Variants in SH3D19 observed in about 807,000 individuals in gnomAD.
SH3D19 encodes SH3 domain-containing protein 19.
Under a neutral mutation model 112.1 loss-of-function variants are expected in SH3D19, and 58 were observed. That is an observed-to-expected ratio of 0.52 (90% CI 0.42 to 0.64). The LOEUF is 0.64. SH3D19 is among the 30% of genes least tolerant of loss of function. The probability of loss-of-function intolerance (pLI) is 0.00; values close to 1 mark genes in which losing one functional copy is unlikely to be tolerated. For synonymous variants in SH3D19, 391 were observed against 448.5 expected, an observed-to-expected ratio of 0.87 and a Z score of 1.62; for missense variants, 1,090 against 1,263.4, an observed-to-expected ratio of 0.86 and a Z score of 2.08.
chr4:151,131,713 C>A (rs1452100317), intron 17 of SH3D19, among the ~76,000 whole-genome samples: 3 of 152,104 alleles, frequency 2.0e-5, no homozygotes, highest in African/African-American at 7.2e-5. Flanking sequence ...TGGTCTCGAT[C>A]CCCTGACCTC....
intron 1 of SH3D19, chr4:151,282,224 T>G: frequency 6.2e-7 from 1 of 1,613,898 alleles, no homozygotes; most frequent in Non-Finnish European, 8.5e-7. Flanking sequence ...TGTGAAGTAC[T>G]ACGTGTCCAA....
At chr4:151,166,750 G>C (rs1758107108) in intron 7 of SH3D19, among the ~76,000 whole-genome samples, 1 of 152,104 alleles carries the variant, frequency 6.6e-6, no homozygotes, top group Non-Finnish European at 1.5e-5. Context: ...CCTGTTATGA[G>C]GTGTAATTCA....
intron 2 of SH3D19, among the ~76,000 whole-genome samples, chr4:151,224,265 TG>T (rs1254747817): frequency 2.0e-5 from 3 of 151,920 alleles, no homozygotes; most frequent in Non-Finnish European, 4.4e-5. Flanking sequence ...GCCGAGATTG[TG>T]CCACTGCACT....
At chr4:151,265,219 T>C (rs1772681913) in intron 1 of SH3D19, among the ~76,000 whole-genome samples, 2 of 152,186 alleles carry the variant, frequency 1.3e-5, no homozygotes, top group Non-Finnish European at 2.9e-5. Flanking sequence ...ATACTGTTTA[T>C]GTCAGTAACA....
chr4:151,248,946 T>C (rs1036715982), intron 1 of SH3D19, among the ~76,000 whole-genome samples: 29 of 152,244 alleles, frequency 1.9e-4, no homozygotes, highest in African/African-American at 7.0e-4. Flanking sequence ...AGTTTTTCTC[T>C]TGTCAACTCA....
chr4:151,245,146 A>AAAAAT (rs200539581), intron 1 of SH3D19, among the ~76,000 whole-genome samples: 43,935 of 149,854 alleles, frequency 0.29, 7,335 homozygotes, highest in Non-Finnish European at 0.38. Context: ...TCCATCTCAA[A>AAAAAT]AAAATAAAAT....
At chr4:151,293,621 A>T (rs980384790) in intron 1 of SH3D19, among the ~76,000 whole-genome samples, 1 of 152,184 alleles carries the variant, frequency 6.6e-6, no homozygotes, top group African/African-American at 2.4e-5. Context: ...ATTTACACCC[A>T]ACTCCATTTA....
intron 7 of SH3D19, among the ~76,000 whole-genome samples, chr4:151,173,216 G>A (rs1452267317): frequency 2.0e-5 from 3 of 152,166 alleles, no homozygotes; most frequent in Admixed American, 6.5e-5. Flanking sequence ...CTGCTGTTGG[G>A]TTTATCTATC....
At chr4:151,251,122 C>A (rs969806722) in intron 1 of SH3D19, among the ~76,000 whole-genome samples, 10 of 152,094 alleles carry the variant, frequency 6.6e-5, no homozygotes, top group Non-Finnish European at 1.0e-4. Flanking sequence ...ATAACCAATA[C>A]CTGCACCCTT....
At chr4:151,275,988 G>C (rs1028604674) in intron 1 of SH3D19, among the ~76,000 whole-genome samples, 3 of 151,894 alleles carry the variant, frequency 2.0e-5, no homozygotes, top group Non-Finnish European at 2.9e-5. Flanking sequence ...GACTACAGGT[G>C]CACGCCACTA....
intron 1 of SH3D19, among the ~76,000 whole-genome samples, chr4:151,298,465 C>T (rs548833863): frequency 9.7e-4 from 147 of 151,450 alleles, no homozygotes; most frequent in Admixed American, 2.0e-3. Context: ...CGTGAGCCAC[C>T]GCGCCCAGCC....
At chr4:151,141,983 G>GAACA (rs1442748836) in intron 12 of SH3D19, among the ~76,000 whole-genome samples, 1 of 152,188 alleles carries the variant, frequency 6.6e-6, no homozygotes, top group Non-Finnish European at 1.5e-5. Context: ...AGCAGGTGAA[G>GAACA]GGCAAGAGGA....
intron 1 of SH3D19, among the ~76,000 whole-genome samples, chr4:151,260,146 T>C (rs765951869): frequency 1.8e-4 from 28 of 152,266 alleles, no homozygotes; most frequent in Non-Finnish European, 3.4e-4. Flanking sequence ...CTAGACTGCA[T>C]AGCAGTGATG....
chr4:151,156,857 C>A (rs1396100268), intron 9 of SH3D19, among the ~76,000 whole-genome samples: 2 of 152,146 alleles, frequency 1.3e-5, no homozygotes, highest in East Asian at 3.8e-4. Context: ...AGGAAACAAC[C>A]AACAGAGTGA....
intron 17 of SH3D19, 84 bp downstream of exon 17, chr4:151,132,247 T>C (rs1041034394): frequency 1.0e-5 from 11 of 1,092,128 alleles, no homozygotes; most frequent in South Asian, 1.4e-5. Flanking sequence ...ATTCATACTA[T>C]ATTCTCTTGA....
intron 1 of SH3D19, 144 bp downstream of exon 1, chr4:151,325,097 C>T (rs113114757): frequency 1.2e-5 from 5 of 402,002 alleles, no homozygotes; most frequent in African/African-American, 2.1e-5. Context: ...GAAATGCCAC[C>T]CTCCCCGAGT....
chr4:151,265,955 ACTACACAGTATT>A (rs1350536989), intron 1 of SH3D19: 1 of 152,136 alleles, frequency 6.6e-6, no homozygotes, highest in Non-Finnish European at 1.5e-5. Flanking sequence ...AACTATTTTC[ACTACACAGTATT>A]GCCCACCCCT....
chr4:151,290,242 G>A lies in SH3D19; in HGVS notation c.112+34999C>T, dbSNP rs138895691. 6.8e-3 allele frequency among the ~76,000 whole-genome samples: 1,041 copies of A among 152,256 alleles called. 7 individuals are homozygous for A. The highest frequency in any genetic ancestry group is 0.023 in the African/African-American group (962 of 41,522). On this transcript the variant is annotated intron_variant, in intron 1 of 19. Coordinates refer to ENST00000604030, the MANE Select transcript of SH3D19 (RefSeq NM_001378122.1). ...TTACAGACACGAACCATCATGCTGGGCCATAGAAGCATTATTTATAATATA... is the reference window on the plus strand; with the variant it reads ...TTACAGACACGAACCATCATGCTGGACCATAGAAGCATTATTTATAATATA...
intron 11 of SH3D19, among the ~76,000 whole-genome samples, chr4:151,147,412 C>T (rs1379928853): frequency 6.6e-6 from 1 of 152,206 alleles, no homozygotes; most frequent in Non-Finnish European, 1.5e-5. Context: ...GCTTTCTCTC[C>T]TCTTTCCCTA....
Sources: gnomAD v4.1 joint callset for allele counts (sites outside exome capture counted in the v4.1 genomes callset) on GRCh38, gnomAD v4.1.1 for gene constraint, MANE v1.5 for transcripts, NCBI Gene and HGNC (gene_info 2026-07-23, HGNC 2026-07-21) for gene names.